Variants in ELMO1 observed in about 807,000 individuals in gnomAD.
ELMO1 encodes engulfment and cell motility protein 1.
In ELMO1, 26 loss-of-function variants were observed where a neutral mutation model predicts 98.9. The observed-to-expected ratio is 0.26, with a 90% CI of 0.19 to 0.36. The LOEUF (loss-of-function observed/expected upper bound fraction) is 0.36. ELMO1 is among the 10% of genes least tolerant of loss of function. The probability of loss-of-function intolerance (pLI) is 1.00; values close to 1 mark genes in which losing one functional copy is unlikely to be tolerated. For synonymous variants in ELMO1, 346 were observed against 346.0 expected, an observed-to-expected ratio of 1.00 and a Z score of 0.00; for missense variants, 627 against 935.2, an observed-to-expected ratio of 0.67 and a Z score of 4.30.
intron 16 of ELMO1, among the ~76,000 whole-genome samples, chr7:36,918,484 TCA>T (rs1299027120): frequency 6.6e-6 from 1 of 152,132 alleles, no homozygotes; most frequent in Non-Finnish European, 1.5e-5. Flanking sequence ...TGGGTGCATA[TCA>T]CAGTCACCCA....
At chr7:37,420,196 AG>A (rs200143403) in intron 1 of ELMO1, among the ~76,000 whole-genome samples, 2,745 of 113,324 alleles carry the variant, frequency 0.024, 98 homozygotes, top group African/African-American at 0.077. Flanking sequence ...GTTCACTCCA[AG>A]GGCAATGTGA....
In ELMO1 at chr7:37,260,321, G is replaced by A. The variant is rs894369212; in HGVS notation, c.244-971C>T. 3.3e-5 allele frequency among the ~76,000 whole-genome samples: 5 copies of A among 152,144 alleles called. No individual in the cohort carries two copies. The South Asian group carries it at 1.0e-3, about 32-fold the overall frequency. ...ATATTTTAGAGAGGGAGAAGATAGG[G>A]TGTCGACCCCATTAATGAGGTATCT... On this transcript the variant is annotated intron_variant, in intron 5 of 21. Transcript: ENST00000310758.
chr7:37,160,510 G>C (rs996653404), intron 13 of ELMO1, among the ~76,000 whole-genome samples: 5 of 152,156 alleles, frequency 3.3e-5, no homozygotes, highest in African/African-American at 1.2e-4. Flanking sequence ...ACCCTGATGT[G>C]AAGAAGCTTT....
intron 15 of ELMO1, among the ~76,000 whole-genome samples, chr7:37,072,294 C>T (rs570786586): frequency 6.6e-6 from 1 of 152,106 alleles, no homozygotes; most frequent in Non-Finnish European, 1.5e-5. Flanking sequence ...GTAATTGAAT[C>T]ATGGGGGTGG....
At chr7:37,206,104 G>T (rs769233594) in intron 13 of ELMO1, among the ~76,000 whole-genome samples, 3 of 151,936 alleles carry the variant, frequency 2.0e-5, no homozygotes, top group Non-Finnish European at 4.4e-5. Flanking sequence ...CATCTCTCAC[G>T]GTGTCACAGA....
chr7:37,316,764 T>C, intron 2 of ELMO1, among the ~76,000 whole-genome samples: 1 of 152,018 alleles, frequency 6.6e-6, no homozygotes, highest in Admixed American at 6.5e-5. Context: ...AAGAAATGAA[T>C]GAGGAAGAGA....
chr7:36,913,108 G>A (rs1331655452), intron 16 of ELMO1, among the ~76,000 whole-genome samples: 1 of 152,164 alleles, frequency 6.6e-6, no homozygotes, highest in Non-Finnish European at 1.5e-5. Context: ...GGTGGAGCAT[G>A]CACAACATGA....
chr7:37,034,542 C>T (rs1795070711), intron 15 of ELMO1, among the ~76,000 whole-genome samples: 1 of 152,138 alleles, frequency 6.6e-6, no homozygotes, highest in East Asian at 1.9e-4. Context: ...TTACTAATAT[C>T]CTACTGTTGG....
intron 16 of ELMO1, among the ~76,000 whole-genome samples, chr7:36,906,817 A>T (rs1783999059): frequency 6.6e-6 from 1 of 152,180 alleles, no homozygotes; most frequent in African/African-American, 2.4e-5. Flanking sequence ...TGTGTAAACA[A>T]ATTATAAGAG....
intron 20 of ELMO1, among the ~76,000 whole-genome samples, chr7:36,865,133 G>A (rs1289278012): frequency 6.6e-6 from 1 of 152,190 alleles, no homozygotes; most frequent in Non-Finnish European, 1.5e-5. Flanking sequence ...TTTTCAGTGT[G>A]CAGTGTTGGC....
chr7:37,039,207 T>A (rs927292097), intron 15 of ELMO1, among the ~76,000 whole-genome samples: 148 of 152,322 alleles, frequency 9.7e-4, no homozygotes, highest in African/African-American at 3.1e-3. Context: ...GTCCTTTACA[T>A]TATATACTTA....
At chr7:37,439,179 C>T (rs1347476031) in intron 1 of ELMO1, among the ~76,000 whole-genome samples, 1 of 152,188 alleles carries the variant, frequency 6.6e-6, no homozygotes, top group African/African-American at 2.4e-5. Context: ...ATCTATCCTC[C>T]AGGTTGCTCT....
At position 36,863,683 on chromosome 7, in the gene ELMO1, C is replaced by T. The variant is rs141397454; in HGVS notation, c.1906-1947G>A. Among the ~76,000 whole-genome samples the T allele has an allele frequency of 2.3e-3, 343 of 152,180 alleles. 2 individuals are homozygous for T. Among genetic ancestry groups the T allele is most frequent in the African/African-American group, 8.0e-3 (330 of 41,488 alleles). On this transcript the variant is annotated intron_variant, in intron 20 of 21. Transcript: ENST00000310758. ...AGCCAAAGTTAAGTGGAGAAAAGCA[C>T]GAGACATGAACACCATGTACACACT...
intron 16 of ELMO1, among the ~76,000 whole-genome samples, chr7:36,908,051 T>C (rs1001482799): frequency 6.6e-6 from 1 of 152,224 alleles, no homozygotes; most frequent in Non-Finnish European, 1.5e-5. Context: ...GAACTTGTGT[T>C]CAGTTTTATG....
chr7:37,249,214 G>A (rs1450107109), intron 6 of ELMO1, among the ~76,000 whole-genome samples: 2 of 152,148 alleles, frequency 1.3e-5, no homozygotes, highest in Admixed American at 6.5e-5. Context: ...TTTGAATAAC[G>A]AAAGGTTAAT....
intron 16 of ELMO1, among the ~76,000 whole-genome samples, chr7:36,955,491 G>C (rs1788369520): frequency 6.6e-6 from 1 of 152,180 alleles, no homozygotes; most frequent in African/African-American, 2.4e-5. Context: ...ATAGAAAAAT[G>C]GTCCAATTCT....
chr7:37,398,733 G>A (rs1009806889), intron 1 of ELMO1, among the ~76,000 whole-genome samples: 12 of 152,132 alleles, frequency 7.9e-5, no homozygotes, highest in African/African-American at 2.9e-4. Flanking sequence ...TCGGAAAATG[G>A]AGAGAAGGAT....
intron 16 of ELMO1, among the ~76,000 whole-genome samples, chr7:36,984,041 G>A (rs1011132558): frequency 3.4e-4 from 51 of 151,512 alleles, no homozygotes; most frequent in Admixed American, 3.1e-3. Flanking sequence ...TTACCAACAG[G>A]TGCCAGCACT....
At position 37,056,787 on chromosome 7, in the gene ELMO1, A is replaced by G. The variant is rs949463333; in HGVS notation, c.1300+39832T>C. 1.2e-4 allele frequency among the ~76,000 whole-genome samples: 19 copies of G among 152,312 alleles called. No individual in the cohort carries two copies. The South Asian group carries it at 2.9e-3, about 23-fold the overall frequency. ...ATACAATGACATACTCAGGGCAAGA[A>G]CAGGGGAGCCCACTGGGGGATTTGG... is the stretch of plus-strand genomic sequence containing the variant. On this transcript the variant is annotated intron_variant, in intron 15 of 21. Transcript: ENST00000310758.
Sources: gnomAD v4.1 joint callset for allele counts (sites outside exome capture counted in the v4.1 genomes callset) on GRCh38, gnomAD v4.1.1 for gene constraint, MANE v1.5 for transcripts, NCBI Gene and HGNC (gene_info 2026-07-23, HGNC 2026-07-21) for gene names.